Variants in COL12A1 observed in about 807,000 individuals in gnomAD.
The protein encoded by COL12A1 is collagen alpha-1(XII) chain.
In COL12A1, 114 loss-of-function variants were observed where a neutral mutation model predicts 349.7. The observed-to-expected ratio is 0.33, with a 90% CI of 0.28 to 0.38. The LOEUF (loss-of-function observed/expected upper bound fraction) is 0.38, where lower values mean the gene tolerates loss of function less well. Among genes scored for constraint, COL12A1 ranks in the 10% least tolerant of loss-of-function variants. The probability of loss-of-function intolerance (pLI) is 1.00; values close to 1 mark genes in which losing one functional copy is unlikely to be tolerated. For missense variants in COL12A1, 3,284 were observed against 3,756.9 expected (o/e 0.87, Z 3.29); for synonymous variants, 1,369 against 1,329.0 (o/e 1.03, Z -0.66).
At chr6:75,106,148 A>G (rs1768532846) in intron 53 of COL12A1, among the ~76,000 whole-genome samples, 1 of 152,224 alleles carries the variant, frequency 6.6e-6, no homozygotes, top group Non-Finnish European at 1.5e-5. Context: ...AGAGGGCTTT[A>G]CAGTAAGTGG....
intron 2 of COL12A1, among the ~76,000 whole-genome samples, chr6:75,202,180 T>C (rs1770561963): frequency 6.6e-6 from 1 of 152,232 alleles, no homozygotes. Flanking sequence ...GCTTGGCTGC[T>C]GGCTCATCTG....
At chr6:75,141,446 G>C (rs1432742077) in intron 27 of COL12A1, among the ~76,000 whole-genome samples, 1 of 152,202 alleles carries the variant, frequency 6.6e-6, no homozygotes, top group Non-Finnish European at 1.5e-5. Context: ...GCAGGAAGCA[G>C]GGTCTGGGCA....
chr6:75,115,543 T>C (rs1769032805), intron 49 of COL12A1, among the ~76,000 whole-genome samples: 1 of 152,162 alleles, frequency 6.6e-6, no homozygotes, highest in Non-Finnish European at 1.5e-5. Context: ...GTCAGTAATC[T>C]GTTACCAGCA....
At chr6:75,182,386 G>A (rs372636146) in intron 10 of COL12A1, among the ~76,000 whole-genome samples, 84 of 143,766 alleles carry the variant, frequency 5.8e-4, no homozygotes, top group Non-Finnish European at 1.0e-3. Flanking sequence ...TATAGGTCCC[G>A]GTGTGTGATG....
chr6:75,190,916 T>G (rs73463821), intron 5 of COL12A1, among the ~76,000 whole-genome samples: 148 of 152,042 alleles, frequency 9.7e-4, no homozygotes, highest in African/African-American at 3.4e-3. Flanking sequence ...GAAATAATGA[T>G]AAACAGTGAT....
chr6:75,202,598 A>AACC, intron 2 of COL12A1, 122 bp downstream of exon 2: 1 of 958,342 alleles, frequency 1.0e-6, no homozygotes, highest in African/African-American at 1.7e-5. Context: ...GAAGGAGAGA[A>AACC]ACCACCGGAG....
chr6:75,150,376 C>T (rs1042031595), intron 21 of COL12A1, among the ~76,000 whole-genome samples: 20 of 152,222 alleles, frequency 1.3e-4, no homozygotes, highest in Non-Finnish European at 1.8e-4. Context: ...GCTATATCTA[C>T]TTTTTTAATA....
rs778102460 is a variant in COL12A1, at chr6:75,189,337, C to A, written c.703G>T (p.Ala235Ser). The change falls in exon 7 of 66, where the codon GCT (alanine) becomes TCT (serine). Residue 235 changes from alanine (A) to serine (S), a missense_variant. By Grantham distance (99) the Ala-to-Ser change is moderately conservative. Transcript: ENST00000322507. Reference sequence around the variant, plus strand: ...TTAGGAAAGCCAACTCTTGCCCCAGCAGATTCCGTGAAAGTATTTTTAACT... The same window carrying A: ...TTAGGAAAGCCAACTCTTGCCCCAGAAGATTCCGTGAAAGTATTTTTAACT... ...YLVKNTFTES[A>S]GARVGFPKVA... 7 of 1,613,044 alleles carry A rather than the reference C, an allele frequency of 4.3e-6. No individual in the cohort carries two copies. Among genetic ancestry groups the A allele is most frequent in the Non-Finnish European group, 5.9e-6 (7 of 1,179,448 alleles).
intron 51 of COL12A1, chr6:75,112,906 A>G (rs1768905683): frequency 6.1e-6 from 1 of 164,626 alleles, no homozygotes; most frequent in Admixed American, 6.4e-5. Context: ...TAAATAACAT[A>G]AAGATTCATA....
intron 17 of COL12A1, 44 bp downstream of exon 17, chr6:75,154,372 T>C: frequency 6.3e-7 from 1 of 1,591,998 alleles, no homozygotes; most frequent in Non-Finnish European, 8.6e-7. Flanking sequence ...TTTGAAATAG[T>C]TTCCTAAGTT....
chr6:75,101,542 A>G (rs532337740), intron 58 of COL12A1, 58 bp downstream of exon 58: 1 of 1,533,078 alleles, frequency 6.5e-7, no homozygotes, highest in African/African-American at 1.4e-5. Context: ...TTCTTAATTA[A>G]TAGGCAACCA....
intron 13 of COL12A1, among the ~76,000 whole-genome samples, chr6:75,174,617 G>A (rs1486121680): frequency 6.6e-6 from 1 of 152,208 alleles, no homozygotes; most frequent in East Asian, 1.9e-4. Flanking sequence ...TAAATGGAAA[G>A]AGCACTTGAA....
At chr6:75,101,898 C>G in intron 57 of COL12A1, 101 bp downstream of exon 57, 1 of 1,301,552 alleles carries the variant, frequency 7.7e-7, no homozygotes, top group South Asian at 1.3e-5. Context: ...AACACATATC[C>G]AGGCTTCTGC....
chr6:75,111,104 C>T (rs74852726), intron 51 of COL12A1, among the ~76,000 whole-genome samples: 3,378 of 151,804 alleles, frequency 0.022, 125 homozygotes, highest in East Asian at 0.19. Flanking sequence ...ATGTGTATAT[C>T]GGAACATCTC....
At chr6:75,098,658 CA>C (rs1257199160) in intron 58 of COL12A1, among the ~76,000 whole-genome samples, 4 of 150,544 alleles carry the variant, frequency 2.7e-5, no homozygotes, top group South Asian at 2.1e-4. Context: ...GACCCTATTT[CA>C]AAAAAAAACA....
chr6:75,158,572 C>T (rs868803419), intron 14 of COL12A1, among the ~76,000 whole-genome samples: 7 of 152,156 alleles, frequency 4.6e-5, no homozygotes, highest in African/African-American at 1.7e-4. Context: ...AGAAACAGAA[C>T]TAGAAATGAC....
chr6:75,105,168 C>T, intron 54 of COL12A1, 38 bp downstream of exon 54: 1 of 1,546,402 alleles, frequency 6.5e-7, no homozygotes, highest in African/African-American at 1.4e-5. Context: ...CTAAAGATTT[C>T]AAAGGAAAAA....
intron 37 of COL12A1, among the ~76,000 whole-genome samples, chr6:75,129,301 A>C (rs1034179197): frequency 2.0e-5 from 3 of 152,244 alleles, no homozygotes; most frequent in African/African-American, 7.2e-5. Flanking sequence ...ATCAAGTTCC[A>C]GTAGATGAAA....
rs1055179094 is a variant in COL12A1 at position 75,128,321 on chromosome 6, G to A, written c.6315C>T (p.Gly2105=). 1.2e-6 allele frequency: 2 copies of A among 1,603,376 alleles called. No homozygotes were observed. Among genetic ancestry groups the A allele is most frequent in the African/African-American group, 2.7e-5 (2 of 74,384 alleles). Residue 2105 remains glycine (G), a synonymous_variant, in exon 38 of 66, where the codon GGC becomes GGT. Coordinates refer to ENST00000322507, the MANE Select transcript of COL12A1 (RefSeq NM_004370.6). ...VIAVYEDGDG[G]HLTGNGRTVG... is the part of the protein sequence containing the mutation. ...CAGTTCTTCCATTTCCTGTTAGATG[G>A]CCACCATCTCCATCTTCATAAACAG...
Sources: gnomAD v4.1 joint callset for allele counts (sites outside exome capture counted in the v4.1 genomes callset) on GRCh38, gnomAD v4.1.1 for gene constraint, MANE v1.5 for transcripts, NCBI Gene and HGNC (gene_info 2026-07-23, HGNC 2026-07-21) for gene names.